Variants in PSD3 observed in about 807,000 individuals in gnomAD.
The protein encoded by PSD3 is PH and SEC7 domain-containing protein 3.
Under a neutral mutation model 105.5 loss-of-function variants are expected in PSD3, and 49 were observed. The ratio of observed to expected loss-of-function variants is 0.46; its 90% CI spans 0.37 to 0.59. The LOEUF (loss-of-function observed/expected upper bound fraction) is 0.59. Ranked by LOEUF, PSD3 falls within the 20% of genes least tolerant of loss-of-function variation. The pLI, the probability that PSD3 is intolerant of heterozygous loss-of-function variation, is 0.00. For missense variants in PSD3, 1,561 were observed against 1,263.8 expected, an observed-to-expected ratio of 1.24 and a Z score of -3.57; for synonymous variants, 557 against 457.8, an observed-to-expected ratio of 1.22 and a Z score of -2.77.
intron 9 of PSD3, among the ~76,000 whole-genome samples, chr8:18,688,792 C>A (rs1048313815): frequency 6.6e-6 from 1 of 152,182 alleles, no homozygotes; most frequent in African/African-American, 2.4e-5. Flanking sequence ...GGCTCTGAGG[C>A]CTTGACCATT....
At chr8:19,081,454 G>A (rs1430707221) in intron 1 of PSD3, among the ~76,000 whole-genome samples, 1 of 152,224 alleles carries the variant, frequency 6.6e-6, no homozygotes, top group African/African-American at 2.4e-5. Context: ...GACAACTTGA[G>A]GGCTGGGCCC....
chr8:18,623,799 C>T (rs1228027870), intron 11 of PSD3, among the ~76,000 whole-genome samples: 3 of 152,088 alleles, frequency 2.0e-5, no homozygotes, highest in African/African-American at 7.2e-5. Flanking sequence ...CTGTTATTCT[C>T]CTTTCCAGAA....
At chr8:18,543,293 A>G (rs117571977) in intron 15 of PSD3, among the ~76,000 whole-genome samples, 2,568 of 152,178 alleles carry the variant, frequency 0.017, 47 homozygotes, top group East Asian at 0.071. Context: ...TTCTTTATTA[A>G]GCTGATCTTC....
intron 2 of PSD3, among the ~76,000 whole-genome samples, chr8:18,878,575 A>G (rs1035080921): frequency 6.6e-6 from 1 of 152,190 alleles, no homozygotes; most frequent in Non-Finnish European, 1.5e-5. Flanking sequence ...AGACATACAC[A>G]CGCTCCTTTG....
chr8:18,668,758 T>C (rs964694895), intron 9 of PSD3, among the ~76,000 whole-genome samples: 2 of 152,222 alleles, frequency 1.3e-5, no homozygotes, highest in Non-Finnish European at 2.9e-5. Flanking sequence ...ATTGTTCACA[T>C]ACACACCTGT....
chr8:18,552,648 G>A (rs189302519), intron 15 of PSD3, among the ~76,000 whole-genome samples: 2 of 152,248 alleles, frequency 1.3e-5, no homozygotes, highest in African/African-American at 2.4e-5. Flanking sequence ...TAAGTAAAAT[G>A]GGAACTGAAT....
At chr8:18,692,911 C>A (rs1169789395) in intron 9 of PSD3, among the ~76,000 whole-genome samples, 2 of 152,110 alleles carry the variant, frequency 1.3e-5, no homozygotes, top group Non-Finnish European at 2.9e-5. Flanking sequence ...AACTTTAATA[C>A]CAAAGCTAAG....
At chr8:19,003,788 A>C (rs1826524493) in intron 1 of PSD3, among the ~76,000 whole-genome samples, 1 of 152,000 alleles carries the variant, frequency 6.6e-6, no homozygotes, top group Non-Finnish European at 1.5e-5. Flanking sequence ...ATCAAGACCC[A>C]GTGCTGAGGT....
intron 11 of PSD3, among the ~76,000 whole-genome samples, chr8:18,618,495 AAATT>A (rs1805862593): frequency 7.9e-5 from 12 of 151,336 alleles, no homozygotes; most frequent in South Asian, 2.1e-4. Context: ...GCAAATGATG[AAATT>A]CTATTGCTGT....
At chr8:18,732,224 A>C (rs896196472) in intron 9 of PSD3, among the ~76,000 whole-genome samples, 2 of 152,186 alleles carry the variant, frequency 1.3e-5, no homozygotes, top group Non-Finnish European at 1.5e-5. Flanking sequence ...CGACTGAAGA[A>C]TGCCTAACGA....
At chr8:18,966,191 A>C (rs62495908) in intron 1 of PSD3, among the ~76,000 whole-genome samples, 14,887 of 152,242 alleles carry the variant, frequency 0.098, 788 homozygotes, top group South Asian at 0.13. Flanking sequence ...TTCTTAATTA[A>C]GCAGCTGTAT....
chr8:18,551,618 T>C (rs943630589), intron 15 of PSD3, among the ~76,000 whole-genome samples: 1 of 152,218 alleles, frequency 6.6e-6, no homozygotes, highest in Non-Finnish European at 1.5e-5. Flanking sequence ...GTGGTTGGTG[T>C]GGGCTCTAAC....
intron 15 of PSD3, among the ~76,000 whole-genome samples, chr8:18,551,065 T>C (rs1459203660): frequency 2.0e-5 from 3 of 152,220 alleles, no homozygotes; most frequent in South Asian, 4.1e-4. Context: ...GCTTAATTGC[T>C]AGAAAATTTT....
chr8:18,673,811 T>G (rs1445537120), intron 9 of PSD3, among the ~76,000 whole-genome samples: 2 of 152,016 alleles, frequency 1.3e-5, no homozygotes, highest in Admixed American at 1.3e-4. Flanking sequence ...GTCCAAAACC[T>G]CTGGATTAAA....
At chr8:18,770,008 A>G (rs1365903687) in intron 8 of PSD3, among the ~76,000 whole-genome samples, 1 of 152,192 alleles carries the variant, frequency 6.6e-6, no homozygotes, top group African/African-American at 2.4e-5. Flanking sequence ...GAGTGGGATT[A>G]TTGAGTCCTA....
chr8:18,530,977 G>C lies in PSD3; in HGVS notation c.*4766C>G, dbSNP rs1456475827. Reference sequence around the variant, plus strand: ...TTGCTTTTCATATCACACTGATTAAGGACAAAAATAATTTTGATGTACATG... The same window carrying C: ...TTGCTTTTCATATCACACTGATTAACGACAAAAATAATTTTGATGTACATG... On this transcript the variant is annotated 3_prime_UTR_variant, in exon 16 of 16. Transcript: ENST00000327040. 6.6e-6 allele frequency: 1 copy of C among 152,058 alleles called. No homozygotes were observed. The highest frequency in any genetic ancestry group is 2.4e-5 in the African/African-American group (1 of 41,386). 9.4% of individuals were successfully genotyped at this position (152,058 alleles called of 1,614,324 possible). A position where few individuals can be genotyped will look rare whatever the true frequency, so the allele number is the denominator to read the frequency against.
chr8:18,851,431 C>A (rs999324977), intron 4 of PSD3, among the ~76,000 whole-genome samples: 1 of 152,202 alleles, frequency 6.6e-6, no homozygotes, highest in Non-Finnish European at 1.5e-5. Context: ...GACTAAAATC[C>A]CAGCTGGAAC....
intron 9 of PSD3, among the ~76,000 whole-genome samples, chr8:18,662,168 G>A (rs1809396270): frequency 6.6e-6 from 1 of 152,002 alleles, no homozygotes; most frequent in African/African-American, 2.4e-5. Flanking sequence ...TCGTATTAAT[G>A]AACACTAGAA....
At chr8:19,055,226 T>C (rs1184127735) in intron 1 of PSD3, among the ~76,000 whole-genome samples, 1 of 152,232 alleles carries the variant, frequency 6.6e-6, no homozygotes, top group African/African-American at 2.4e-5. Flanking sequence ...CATACAAAAC[T>C]AATGACATGT....
Sources: gnomAD v4.1 joint callset for allele counts (sites outside exome capture counted in the v4.1 genomes callset) on GRCh38, gnomAD v4.1.1 for gene constraint, MANE v1.5 for transcripts, NCBI Gene and HGNC (gene_info 2026-07-23, HGNC 2026-07-21) for gene names.